TMEM132C: variants seen among roughly 807,000 people sequenced by gnomAD.
TMEM132C encodes the protein protein phosphatase 1, regulatory subunit 152.
Under a neutral mutation model 61.4 loss-of-function variants are expected in TMEM132C, and 29 were observed. That is an observed-to-expected ratio of 0.47 (90% CI 0.35 to 0.64). The LOEUF is 0.64. TMEM132C is among the 30% of genes least tolerant of loss of function. The probability of loss-of-function intolerance (pLI) is 0.00; values close to 1 mark genes in which losing one functional copy is unlikely to be tolerated. For missense variants in TMEM132C, 1,408 were observed against 1,476.9 expected (o/e 0.95, Z 0.76); for synonymous variants, 656 against 633.1 (o/e 1.04, Z -0.54).
rs561984358 is a variant in TMEM132C at position 128,632,302 on chromosome 12, C to G, written c.1305+15967C>G. ...TCTGTGTAAAGCACTTAGAAGAGTA[C>G]TTGGCACATATTAAATACTATAGAA... On this transcript the variant is annotated intron_variant, in intron 4 of 8. Coordinates refer to ENST00000435159, the MANE Select transcript of TMEM132C (RefSeq NM_001136103.3). Among the ~76,000 whole-genome samples the G allele has an allele frequency of 4.6e-5, 7 of 152,284 alleles. No individual in the cohort carries two copies. In the South Asian group the frequency reaches 1.4e-3, roughly 32 times the overall value.
intron 3 of TMEM132C, among the ~76,000 whole-genome samples, chr12:128,565,086 A>G (rs1213430282): frequency 2.0e-5 from 3 of 152,210 alleles, no homozygotes; most frequent in African/African-American, 7.2e-5. Context: ...CCTGGGGTTT[A>G]TGTGTTGCTA....
In TMEM132C at chr12:128,458,176, A is replaced by G. The variant is rs186678695; in HGVS notation, c.974+42556A>G. On this transcript the variant is annotated intron_variant, in intron 2 of 8. Transcript: ENST00000435159. ...TTCTGTATCATTATATATAATTAGA[A>G]TATCTCATATTTATATTTTAGTATT... is the stretch of plus-strand genomic sequence containing the variant. 2.6e-4 allele frequency among the ~76,000 whole-genome samples: 39 copies of G among 148,282 alleles called. No homozygotes were observed. The East Asian group carries it at 6.6e-3, about 25-fold the overall frequency.
At chr12:128,276,916 A>ACACACACACACACACACACACACAC (rs1566039193) in intron 1 of TMEM132C, among the ~76,000 whole-genome samples, 1 of 151,444 alleles carries the variant, frequency 6.6e-6, no homozygotes, top group East Asian at 1.9e-4. Flanking sequence ...ACACACACAC[A>ACACACACACACACACACACACACAC]ATTCTAGGCT....
intron 3 of TMEM132C, among the ~76,000 whole-genome samples, chr12:128,605,625 C>T (rs1240499996): frequency 6.6e-6 from 1 of 152,110 alleles, no homozygotes; most frequent in African/African-American, 2.4e-5. Context: ...TGATAGCCTT[C>T]GACACCCTCA....
intron 1 of TMEM132C, among the ~76,000 whole-genome samples, chr12:128,296,490 G>T (rs1593001538): frequency 3.3e-5 from 5 of 152,176 alleles, no homozygotes; most frequent in Admixed American, 2.6e-4. Context: ...ATGGCTAGAA[G>T]GAGTGGCCAG....
chr12:128,622,586 A>G (rs867965), intron 4 of TMEM132C, among the ~76,000 whole-genome samples: 30,482 of 150,972 alleles, frequency 0.2, 5,292 homozygotes, highest in African/African-American at 0.48. Flanking sequence ...ACCCGGACGT[A>G]CATGAACAGA....
chr12:128,659,462 CA>C (rs1451604145), intron 4 of TMEM132C, among the ~76,000 whole-genome samples: 2 of 152,222 alleles, frequency 1.3e-5, no homozygotes, highest in Admixed American at 1.3e-4. Flanking sequence ...TTGCCTTCCT[CA>C]AGGAAAATGT....
Position 128,469,371 on chromosome 12 carries a change from G to T in TMEM132C, c.974+53751G>T, listed in dbSNP as rs1053444826. Among the ~76,000 whole-genome samples, 5 of 144,324 alleles carry T rather than the reference G, an allele frequency of 3.5e-5. No individual in the cohort carries two copies. The East Asian group carries it at 8.2e-4, about 24-fold the overall frequency. 94.7% of individuals were successfully genotyped at this position (144,324 alleles called of 152,430 possible). A position where few individuals can be genotyped will look rare whatever the true frequency, so the allele number is the denominator to read the frequency against. ...TGACAGGATCTCACTCTGTTGCCCA[G>T]GCTGGAGTGCAGTGGCTCACTGCAG... On this transcript the variant is annotated intron_variant, in intron 2 of 8. Coordinates refer to ENST00000435159, the MANE Select transcript of TMEM132C (RefSeq NM_001136103.3).
chr12:128,402,049 G>T (rs1031809577), intron 1 of TMEM132C, among the ~76,000 whole-genome samples: 3 of 152,156 alleles, frequency 2.0e-5, no homozygotes, highest in Admixed American at 2.0e-4. Flanking sequence ...CATCACAGGG[G>T]TCCCTGTAGA....
chr12:128,433,386 C>T (rs554351519), intron 2 of TMEM132C, among the ~76,000 whole-genome samples: 2 of 152,314 alleles, frequency 1.3e-5, no homozygotes, highest in South Asian at 4.1e-4. Context: ...CTTGTGAAAG[C>T]TTTCCCCTTC....
chr12:128,298,538 C>CA (rs1348911367), intron 1 of TMEM132C, among the ~76,000 whole-genome samples: 2 of 152,188 alleles, frequency 1.3e-5, no homozygotes. Flanking sequence ...ACGTACGACT[C>CA]ACAGCCAGGA....
At chr12:128,664,560 G>A (rs888996832) in intron 4 of TMEM132C, among the ~76,000 whole-genome samples, 2 of 152,200 alleles carry the variant, frequency 1.3e-5, no homozygotes, top group Non-Finnish European at 2.9e-5. Flanking sequence ...GTGTTCTGAG[G>A]CCTTGAGACA....
intron 3 of TMEM132C, among the ~76,000 whole-genome samples, chr12:128,553,475 A>G (rs1490079753): frequency 6.6e-6 from 1 of 152,202 alleles, no homozygotes; most frequent in Non-Finnish European, 1.5e-5. Context: ...CATTGAGATC[A>G]GTCTGTAATA....
At position 128,384,732 on chromosome 12, in the gene TMEM132C, G is replaced by A. The variant is rs149985249; in HGVS notation, c.86-30000G>A. 2.8e-3 allele frequency among the ~76,000 whole-genome samples: 430 copies of A among 152,214 alleles called. 3 individuals carry two copies. Among genetic ancestry groups the A allele is most frequent in the African/African-American group, 9.6e-3 (398 of 41,528 alleles). ...CATGCAGTGAGTGAATATTCTGTCC[G>A]CTCCAAATCCACCTCCCACAGTGGG... is the stretch of plus-strand genomic sequence containing the variant. On this transcript the variant is annotated intron_variant, in intron 1 of 8. Transcript: ENST00000435159.
At chr12:128,592,039 G>A (rs1416796803) in intron 3 of TMEM132C, among the ~76,000 whole-genome samples, 1 of 117,186 alleles carries the variant, frequency 8.5e-6, no homozygotes, top group Non-Finnish European at 1.7e-5. Flanking sequence ...GCGACAGAGT[G>A]AGACTCAAAA....
At chr12:128,442,806 T>C (rs1209454615) in intron 2 of TMEM132C, among the ~76,000 whole-genome samples, 2 of 152,228 alleles carry the variant, frequency 1.3e-5, no homozygotes, top group Admixed American at 6.5e-5. Context: ...GTGCAACTAC[T>C]ATCTCTACTA....
At chr12:128,500,567 A>G (rs1443761858) in intron 2 of TMEM132C, among the ~76,000 whole-genome samples, 1 of 152,200 alleles carries the variant, frequency 6.6e-6, no homozygotes. Context: ...GAAGGTACAC[A>G]AATGTCCAAT....
At chr12:128,632,136 C>T (rs956721645) in intron 4 of TMEM132C, among the ~76,000 whole-genome samples, 7 of 152,192 alleles carry the variant, frequency 4.6e-5, no homozygotes, top group East Asian at 1.9e-4. Flanking sequence ...GAGCTTCAAC[C>T]GGAGTGAGGC....
rs141721684 is a variant in TMEM132C at position 128,287,723 on chromosome 12, C to T, written c.85+20236C>T. The stretch of plus-strand genomic sequence containing the variant: ...TCGAATGTTTCCAGTTATTCCATTA[C>T]TGTTATTTAAAGCCAAAGAAAACTG... On this transcript the variant is annotated intron_variant, in intron 1 of 8. Transcript: ENST00000435159. Among the ~76,000 whole-genome samples, 947 of 152,274 alleles carry T rather than the reference C, an allele frequency of 6.2e-3. 7 individuals carry two copies. The highest frequency in any genetic ancestry group is 9.4e-3 in the Non-Finnish European group (637 of 68,030).
Sources: allele counts gnomAD v4.1 joint callset (sites outside exome capture counted in the v4.1 genomes callset), GRCh38; gene constraint gnomAD v4.1.1; transcripts MANE v1.5; gene names NCBI Gene and HGNC (gene_info 2026-07-23, HGNC 2026-07-21).